MARCHF1: variants seen among roughly 807,000 people sequenced by gnomAD.
MARCHF1 encodes E3 ubiquitin-protein ligase MARCHF1.
In MARCHF1, 40 loss-of-function variants were observed where a neutral mutation model predicts 54.2. That is an observed-to-expected ratio of 0.74 (90% CI 0.57 to 0.96). The LOEUF (loss-of-function observed/expected upper bound fraction) is 0.96, where lower values mean the gene tolerates loss of function less well. Ranked by LOEUF, MARCHF1 falls within the 40% of genes least tolerant of loss-of-function variation. MARCHF1 has a pLI of 0.00. For missense variants in MARCHF1, 586 were observed against 656.5 expected (o/e 0.89, Z 1.17); for synonymous variants, 236 against 236.3 (o/e 1.00, Z 0.01).
intron 2 of MARCHF1, among the ~76,000 whole-genome samples, chr4:164,039,361 A>G (rs1462996101): frequency 6.6e-6 from 1 of 152,218 alleles, no homozygotes; most frequent in African/African-American, 2.4e-5. Context: ...TTACACAGAA[A>G]GAACCTGGGT....
chr4:164,338,516 T>C (rs1373161072), intron 1 of MARCHF1, among the ~76,000 whole-genome samples: 1 of 152,154 alleles, frequency 6.6e-6, no homozygotes, highest in Non-Finnish European at 1.5e-5. Context: ...AACTATATGT[T>C]GCCTACAAGA....
chr4:163,778,639 T>C (rs942134260), intron 4 of MARCHF1, among the ~76,000 whole-genome samples: 1 of 152,112 alleles, frequency 6.6e-6, no homozygotes, highest in African/African-American at 2.4e-5. Context: ...GACAATGTGG[T>C]ATATATAGAC....
intron 3 of MARCHF1, among the ~76,000 whole-genome samples, chr4:163,951,955 C>T (rs1211254703): frequency 2.0e-5 from 3 of 152,032 alleles, no homozygotes; most frequent in Admixed American, 2.0e-4. Flanking sequence ...TAAAAGCACC[C>T]GTGTTTCCTT....
Position 164,222,729 on chromosome 4 carries a change from G to A in MARCHF1, c.-322-111067C>T, listed in dbSNP as rs572857173. On this transcript the variant is annotated intron_variant, in intron 1 of 9. Coordinates refer to ENST00000514618, the MANE Select transcript of MARCHF1 (RefSeq NM_001394959.1). The stretch of plus-strand genomic sequence containing the variant: ...GTAAGGATAGATTATATATTTTGAT[G>A]GTAGTTTTAGAAATAATGAGTAATG... 5.9e-5 allele frequency among the ~76,000 whole-genome samples: 9 copies of A among 152,096 alleles called. No individual in the cohort carries two copies. The South Asian group carries it at 1.0e-3, about 18-fold the overall frequency.
chr4:163,600,723 T>C (rs1297777003), intron 7 of MARCHF1, among the ~76,000 whole-genome samples: 4 of 152,110 alleles, frequency 2.6e-5, no homozygotes, highest in African/African-American at 9.7e-5. Flanking sequence ...AATAAAGACA[T>C]CAGAATTGTT....
chr4:164,204,804 AT>A (rs1345029879), intron 1 of MARCHF1, among the ~76,000 whole-genome samples: 1 of 152,216 alleles, frequency 6.6e-6, no homozygotes, highest in African/African-American at 2.4e-5. Flanking sequence ...TTCCAGCCTT[AT>A]TCAGCTTCAT....
intron 5 of MARCHF1, among the ~76,000 whole-genome samples, chr4:163,681,131 C>G (rs2111164503): frequency 6.6e-6 from 1 of 152,090 alleles, no homozygotes; most frequent in South Asian, 2.1e-4. Flanking sequence ...CATCGGTAAA[C>G]AGTATCTCCA....
At chr4:164,184,090 G>T (rs28472450) in intron 1 of MARCHF1, among the ~76,000 whole-genome samples, 8,669 of 152,102 alleles carry the variant, frequency 0.057, 292 homozygotes, top group Middle Eastern at 0.15. Context: ...GAAAACATAA[G>T]AAATTTTTTA....
intron 3 of MARCHF1, among the ~76,000 whole-genome samples, chr4:163,937,149 T>C (rs1430950620): frequency 2.0e-5 from 3 of 152,168 alleles, no homozygotes; most frequent in African/African-American, 7.2e-5. Flanking sequence ...TGGAATACTC[T>C]GCAACCTCAA....
intron 1 of MARCHF1, among the ~76,000 whole-genome samples, chr4:164,305,074 T>C (rs1734662711): frequency 6.6e-6 from 1 of 152,136 alleles, no homozygotes; most frequent in African/African-American, 2.4e-5. Context: ...ACCCACTCAG[T>C]CATCTAGTCA....
intron 4 of MARCHF1, among the ~76,000 whole-genome samples, chr4:163,781,848 C>G (rs74726254): frequency 6.6e-6 from 1 of 152,168 alleles, no homozygotes. Context: ...GTTTTGCCTA[C>G]TTGGGTTGAA....
intron 1 of MARCHF1, among the ~76,000 whole-genome samples, chr4:164,145,660 T>C (rs1729666680): frequency 6.6e-6 from 1 of 151,986 alleles, no homozygotes; most frequent in Admixed American, 6.6e-5. Flanking sequence ...TAGGTATTGA[T>C]GGGACATATC....
At chr4:163,629,324 T>C (rs577583139) in intron 5 of MARCHF1, among the ~76,000 whole-genome samples, 63 of 152,274 alleles carry the variant, frequency 4.1e-4, no homozygotes, top group African/African-American at 1.5e-3. Context: ...CCCTATGTAA[T>C]AAATGGTATT....
chr4:163,920,929 T>C (rs1489053193), intron 3 of MARCHF1, among the ~76,000 whole-genome samples: 1 of 152,110 alleles, frequency 6.6e-6, no homozygotes, highest in Non-Finnish European at 1.5e-5. Context: ...GTAAAAAGCA[T>C]TCAAGCAAAA....
chr4:163,659,440 C>T (rs954649495), intron 5 of MARCHF1, among the ~76,000 whole-genome samples: 7 of 151,862 alleles, frequency 4.6e-5, no homozygotes, highest in African/African-American at 1.5e-4. Flanking sequence ...AATCTGAAAC[C>T]GTTAAAACCC....
chr4:164,001,399 C>A (rs1397984943), intron 2 of MARCHF1, among the ~76,000 whole-genome samples: 1 of 151,566 alleles, frequency 6.6e-6, no homozygotes, highest in Admixed American at 6.6e-5. Context: ...ATATAAGAGA[C>A]AAGATAAATA....
At chr4:164,258,986 T>C (rs777452764) in intron 1 of MARCHF1, among the ~76,000 whole-genome samples, 2 of 152,202 alleles carry the variant, frequency 1.3e-5, no homozygotes, top group Non-Finnish European at 2.9e-5. Flanking sequence ...TTTATATCAA[T>C]TGGCTAATTC....
intron 4 of MARCHF1, among the ~76,000 whole-genome samples, chr4:163,731,139 CT>C (rs1276805245): frequency 1.3e-5 from 2 of 152,140 alleles, no homozygotes; most frequent in Non-Finnish European, 2.9e-5. Context: ...GTAAAGCCCC[CT>C]ATGACCAAGC....
At chr4:164,330,825 C>T (rs911425138) in intron 1 of MARCHF1, among the ~76,000 whole-genome samples, 11 of 152,072 alleles carry the variant, frequency 7.2e-5, no homozygotes, top group East Asian at 1.9e-4. Context: ...TTTTTTGAAA[C>T]GAAGCTGTTA....
Sources: gnomAD v4.1 joint callset for allele counts (sites outside exome capture counted in the v4.1 genomes callset) on GRCh38, gnomAD v4.1.1 for gene constraint, MANE v1.5 for transcripts, NCBI Gene and HGNC (gene_info 2026-07-23, HGNC 2026-07-21) for gene names.